Variants in STAG1 observed in about 807,000 individuals in gnomAD.
STAG1 encodes cohesin subunit SA-1.
A neutral mutation model predicts 170.9 loss-of-function variants in STAG1; 26 were observed. The observed-to-expected ratio is 0.15, with a 90% confidence interval of 0.11 to 0.21. The LOEUF (loss-of-function observed/expected upper bound fraction) is 0.21. Among genes scored for constraint, STAG1 ranks in the 10% least tolerant of loss-of-function variants. STAG1 has a pLI of 1.00. For missense variants in STAG1, 964 were observed against 1,509.5 expected, an observed-to-expected ratio of 0.64 and a Z score of 5.99; for synonymous variants, 514 against 497.7, an observed-to-expected ratio of 1.03 and a Z score of -0.44.
At chr3:136,722,250 ACCTCATAGTAG>A (rs1450272160) in intron 1 of STAG1, among the ~76,000 whole-genome samples, 1 of 152,098 alleles carries the variant, frequency 6.6e-6, no homozygotes, top group Non-Finnish European at 1.5e-5. Flanking sequence ...TACTAAAATT[ACCTCATAGTAG>A]CCTCACTAAA....
chr3:136,723,260 C>T (rs528188192), intron 1 of STAG1, among the ~76,000 whole-genome samples: 34 of 151,926 alleles, frequency 2.2e-4, no homozygotes, highest in African/African-American at 7.0e-4. Context: ...CGCCTCTTCC[C>T]GGCCGCCATC....
At chr3:136,666,971 T>C (rs1941806008) in intron 1 of STAG1, among the ~76,000 whole-genome samples, 2 of 152,134 alleles carry the variant, frequency 1.3e-5, no homozygotes, top group Non-Finnish European at 2.9e-5. Context: ...CTGAGATACA[T>C]GGAATTATAT....
At position 136,562,266 on chromosome 3, in the gene STAG1, C is replaced by CT. The variant is rs879284648; in HGVS notation, c.394+6498dup. ...AACAGTTTCTGAGTCATTTCTTTTT[C>CT]TTTTTTTTTTTTAGACAGAGTTTCG... On this transcript the variant is annotated intron_variant, in intron 5 of 33. Coordinates refer to ENST00000383202, the MANE Select transcript of STAG1 (RefSeq NM_005862.3). Among the ~76,000 whole-genome samples the CT allele has an allele frequency of 1.1e-3, 147 of 137,026 alleles. No homozygotes were observed. The Middle Eastern group carries it at 0.025, about 23-fold the overall frequency. The allele number at this position is 137,026 out of a possible 152,430, so 89.9% of individuals were successfully genotyped here.
intron 1 of STAG1, among the ~76,000 whole-genome samples, chr3:136,655,838 G>A (rs946888953): frequency 5.9e-5 from 9 of 151,748 alleles, no homozygotes; most frequent in African/African-American, 2.2e-4. Context: ...ATGTAAAATG[G>A]TATAGCCACA....
chr3:136,349,013 C>G (rs1936338562), intron 29 of STAG1, 145 bp downstream of exon 29: 1 of 659,034 alleles, frequency 1.5e-6, no homozygotes, highest in Non-Finnish European at 2.6e-6. Context: ...TCTGTTTCAA[C>G]CTTTTTGCCT....
chr3:136,604,202 TTACA>T (rs1938823093), intron 4 of STAG1, 103 bp downstream of exon 4: 1 of 1,015,054 alleles, frequency 9.9e-7, no homozygotes, highest in African/African-American at 1.7e-5. Flanking sequence ...GAAAGGTTGC[TTACA>T]TAATCAACAG....
intron 1 of STAG1, among the ~76,000 whole-genome samples, chr3:136,715,242 G>A (rs1943508133): frequency 6.7e-6 from 1 of 149,842 alleles, no homozygotes; most frequent in Non-Finnish European, 1.5e-5. Flanking sequence ...CAAACTCCAG[G>A]GCTCAAGTAA....
intron 25 of STAG1, among the ~76,000 whole-genome samples, chr3:136,365,934 C>G (rs529725945): frequency 1.3e-5 from 2 of 151,524 alleles, no homozygotes; most frequent in Non-Finnish European, 2.9e-5. Context: ...GGCTTGTCTT[C>G]CTTCCCATGC....
At chr3:136,619,320 C>G (rs1939738825) in intron 3 of STAG1, among the ~76,000 whole-genome samples, 1 of 149,206 alleles carries the variant, frequency 6.7e-6, no homozygotes, top group Non-Finnish European at 1.5e-5. Context: ...AGAAGACACA[C>G]TAGATAAAAA....
At chr3:136,456,851 T>A (rs2089127235) in intron 13 of STAG1, among the ~76,000 whole-genome samples, 1 of 152,214 alleles carries the variant, frequency 6.6e-6, no homozygotes, top group African/African-American at 2.4e-5. Context: ...TAGACTGGGA[T>A]GCTATATTCA....
intron 2 of STAG1, among the ~76,000 whole-genome samples, chr3:136,623,881 C>T (rs934271034): frequency 1.3e-5 from 2 of 151,874 alleles, no homozygotes; most frequent in South Asian, 2.1e-4. Context: ...TTTGAACCCG[C>T]GGAGGTTGCA....
chr3:136,730,945 G>C (rs1283276950), intron 1 of STAG1, among the ~76,000 whole-genome samples: 1 of 152,190 alleles, frequency 6.6e-6, no homozygotes, highest in Non-Finnish European at 1.5e-5. Context: ...GAATTTCTGA[G>C]TTGGCAGGCC....
At chr3:136,631,923 G>A (rs139269783) in intron 1 of STAG1, among the ~76,000 whole-genome samples, 71 of 152,210 alleles carry the variant, frequency 4.7e-4, no homozygotes, top group Non-Finnish European at 8.5e-4. Context: ...CAAAACAGAT[G>A]TAAGATCAGA....
intron 6 of STAG1, among the ~76,000 whole-genome samples, chr3:136,532,458 T>C (rs1935421268): frequency 6.6e-6 from 1 of 152,186 alleles, no homozygotes; most frequent in Admixed American, 6.6e-5. Context: ...CTGGTGTTAT[T>C]TCTTCTATCT....
At chr3:136,699,084 G>T (rs761027882) in intron 1 of STAG1, among the ~76,000 whole-genome samples, 2 of 152,214 alleles carry the variant, frequency 1.3e-5, no homozygotes, top group Non-Finnish European at 2.9e-5. Flanking sequence ...GTTTGGAAGG[G>T]TGTGAGGGTT....
At chr3:136,516,130 TAGAA>T (rs1192145612) in intron 7 of STAG1, among the ~76,000 whole-genome samples, 2 of 152,268 alleles carry the variant, frequency 1.3e-5, no homozygotes, top group East Asian at 3.9e-4. Context: ...ATCTTAACCA[TAGAA>T]ACCAGAAACA....
Position 136,473,427 on chromosome 3 carries a change from G to A in STAG1, c.1125+112C>T, listed in dbSNP as rs545521317. Reference sequence around the variant, plus strand: ...GGTGCCAAAAAGGTTGGGGACTGCTGTAATAAAGAATATGAACTAAACACT... The same window carrying A: ...GGTGCCAAAAAGGTTGGGGACTGCTATAATAAAGAATATGAACTAAACACT... On this transcript the variant is annotated intron_variant, in intron 11 of 33. Coordinates refer to ENST00000383202, the MANE Select transcript of STAG1 (RefSeq NM_005862.3). 4.1e-5 allele frequency: 32 copies of A among 779,662 alleles called. No homozygotes were observed. The African/African-American group carries it at 5.5e-4, about 14-fold the overall frequency. The allele number at this position is 779,662 out of a possible 1,614,324, so 48.3% of individuals were successfully genotyped here.
At chr3:136,401,055 T>C (rs2087310910) in intron 21 of STAG1, among the ~76,000 whole-genome samples, 2 of 152,152 alleles carry the variant, frequency 1.3e-5, no homozygotes, top group Admixed American at 1.3e-4. Context: ...GTAGACAACA[T>C]GAATATTCCT....
chr3:136,584,931 GAACTAC>G (rs948804804), intron 4 of STAG1, among the ~76,000 whole-genome samples: 1 of 152,148 alleles, frequency 6.6e-6, no homozygotes, highest in African/African-American at 2.4e-5. Context: ...GACACTCAAT[GAACTAC>G]AACTACTGAA....
Sources: gnomAD v4.1 joint callset for allele counts (sites outside exome capture counted in the v4.1 genomes callset) on GRCh38, gnomAD v4.1.1 for gene constraint, MANE v1.5 for transcripts, NCBI Gene and HGNC (gene_info 2026-07-23, HGNC 2026-07-21) for gene names.